PLCG2: variants seen among roughly 807,000 people sequenced by gnomAD.
The protein encoded by PLCG2 is 1-phosphatidylinositol 4,5-bisphosphate phosphodiesterase gamma-2.
Under a neutral mutation model 175.6 loss-of-function variants are expected in PLCG2, and 69 were observed. The ratio of observed to expected loss-of-function variants is 0.39; its 90% CI spans 0.32 to 0.48. The LOEUF (loss-of-function observed/expected upper bound fraction) is 0.48, where lower values mean the gene tolerates loss of function less well. PLCG2 is among the 20% of genes least tolerant of loss of function. The pLI is 0.91. For missense variants in PLCG2, 1,798 were observed against 1,650.9 expected (o/e 1.09, Z -1.54); for synonymous variants, 827 against 624.0 (o/e 1.33, Z -4.85).
intron 2 of PLCG2, among the ~76,000 whole-genome samples, chr16:81,773,666 T>G (rs774416868): frequency 2.5e-4 from 38 of 152,202 alleles, no homozygotes; most frequent in Non-Finnish European, 4.3e-4. Context: ...TTCATTGCAA[T>G]GTAGTGACTA....
intron 2 of PLCG2, among the ~76,000 whole-genome samples, chr16:81,802,811 T>C (rs991821677): frequency 4.6e-5 from 7 of 152,194 alleles, no homozygotes; most frequent in Admixed American, 4.6e-4. Flanking sequence ...CCTCAGGTGA[T>C]CCACCCACCT....
intron 2 of PLCG2, among the ~76,000 whole-genome samples, chr16:81,803,211 T>C (rs1006966310): frequency 1.1e-4 from 16 of 148,258 alleles, no homozygotes; most frequent in Non-Finnish European, 1.9e-4. Flanking sequence ...CTCTGCCTCA[T>C]GGGTTCATGC....
intron 2 of PLCG2, among the ~76,000 whole-genome samples, chr16:81,828,751 A>G (rs1174895995): frequency 1.3e-5 from 2 of 152,322 alleles, no homozygotes; most frequent in Admixed American, 6.5e-5. Flanking sequence ...AGCTGCTGTG[A>G]TGATTGAACA....
intron 12 of PLCG2, 150 bp downstream of exon 12, chr16:81,893,944 TGTTTTCTTTTTTCTTTC>T: frequency 1.8e-6 from 1 of 553,712 alleles, no homozygotes; most frequent in East Asian, 3.3e-5. Flanking sequence ...GATGTTTCTT[TGTTTTCTTTTTTCTTTC>T]TTTTTTTTTT....
intron 2 of PLCG2, among the ~76,000 whole-genome samples, chr16:81,826,601 C>G (rs1905059078): frequency 1.3e-5 from 2 of 152,196 alleles, no homozygotes; most frequent in African/African-American, 4.8e-5. Flanking sequence ...GGAAGCTTCT[C>G]TACAATACTC....
In PLCG2 at chr16:81,927,070, CTT is replaced by C. The variant is rs1446104745; in HGVS notation, c.2418-11_2418-10del. On this transcript the variant is annotated splice_polypyrimidine_tract_variant and intron_variant, in intron 22 of 32. Coordinates refer to ENST00000564138, the MANE Select transcript of PLCG2 (RefSeq NM_002661.5). ...TGGTGACAGCGCCCCCATGTCCTCT[CTT>C]CTTATCCAGGTGGAAAGGAGACTAT... The C allele has an allele frequency of 1.3e-6, 2 of 1,595,028 alleles. No individual in the cohort carries two copies. The highest frequency in any genetic ancestry group is 1.3e-5 in the African/African-American group (1 of 74,540).
At chr16:81,941,734 G>C (rs934573776) in intron 30 of PLCG2, among the ~76,000 whole-genome samples, 1 of 148,858 alleles carries the variant, frequency 6.7e-6, no homozygotes, top group Non-Finnish European at 1.5e-5. Context: ...GTCTTGCTCT[G>C]TCGCTCAGGC....
At chr16:81,799,570 G>A (rs1366986950) in intron 2 of PLCG2, among the ~76,000 whole-genome samples, 1 of 151,526 alleles carries the variant, frequency 6.6e-6, no homozygotes, top group Non-Finnish European at 1.5e-5. Flanking sequence ...GATTACAGGT[G>A]CAAGCCACTG....
chr16:81,875,647 A>G (rs1597367678), intron 7 of PLCG2, among the ~76,000 whole-genome samples: 1 of 152,286 alleles, frequency 6.6e-6, no homozygotes, highest in African/African-American at 2.4e-5. Context: ...TCATCTGCCA[A>G]TACTGTAATT....
chr16:81,940,137 G>C, intron 30 of PLCG2, 78 bp downstream of exon 30: 1 of 1,286,414 alleles, frequency 7.8e-7, no homozygotes, highest in Non-Finnish European at 1.1e-6. Flanking sequence ...CAAAAAGAAT[G>C]AAAAATGATT....
chr16:81,764,374 C>T (rs1397303851), intron 2 of PLCG2, among the ~76,000 whole-genome samples: 1 of 152,000 alleles, frequency 6.6e-6, no homozygotes, highest in East Asian at 1.9e-4. Context: ...AAACCTGGAC[C>T]CCATCTCTCC....
chr16:81,881,073 G>C (rs1908056194), intron 8 of PLCG2, 120 bp downstream of exon 8: 2 of 972,256 alleles, frequency 2.1e-6, no homozygotes, highest in South Asian at 2.7e-5. Flanking sequence ...AGGGGCAGGG[G>C]GCCCCTGCTG....
At chr16:81,929,149 G>T (rs1910397565) in intron 24 of PLCG2, among the ~76,000 whole-genome samples, 1 of 152,226 alleles carries the variant, frequency 6.6e-6, no homozygotes, top group South Asian at 2.1e-4. Context: ...TGGCCCCAAG[G>T]CTAGGCTTGT....
intron 20 of PLCG2, among the ~76,000 whole-genome samples, chr16:81,920,557 G>A (rs536236519): frequency 9.2e-5 from 14 of 152,282 alleles, no homozygotes; most frequent in East Asian, 1.9e-4. Flanking sequence ...AATGTGAGCC[G>A]AAACATGGAA....
intron 24 of PLCG2, among the ~76,000 whole-genome samples, chr16:81,930,546 G>A (rs1195643203): frequency 2.6e-5 from 4 of 152,004 alleles, no homozygotes; most frequent in East Asian, 1.9e-4. Context: ...TCAGGAGTTC[G>A]AGACCAGCCC....
chr16:81,739,951 A>G (rs1013437144), intron 1 of PLCG2, among the ~76,000 whole-genome samples: 2 of 151,728 alleles, frequency 1.3e-5, no homozygotes, highest in African/African-American at 4.8e-5. Flanking sequence ...CAGCCTGGCC[A>G]AGATAGTGAA....
intron 26 of PLCG2, chr16:81,935,681 G>A (rs1910677211): frequency 2.0e-6 from 2 of 985,354 alleles, no homozygotes; most frequent in Non-Finnish European, 2.4e-6. Context: ...GAGAGAAGAT[G>A]AGGCCTGTCC....
At chr16:81,939,055 G>C (rs1176876594) in intron 29 of PLCG2, 140 bp downstream of exon 29, 5 of 625,642 alleles carry the variant, frequency 8.0e-6, no homozygotes, top group African/African-American at 7.4e-5. Flanking sequence ...ACATGGTTCA[G>C]CTTGAGGAGG....
chr16:81,757,427 G>A (rs979832576), intron 2 of PLCG2, among the ~76,000 whole-genome samples: 1 of 152,092 alleles, frequency 6.6e-6, no homozygotes, highest in African/African-American at 2.4e-5. Context: ...AGCCGGGCGC[G>A]GTGGCAGGTG....
Sources: gnomAD v4.1 joint callset for allele counts (sites outside exome capture counted in the v4.1 genomes callset) on GRCh38, gnomAD v4.1.1 for gene constraint, MANE v1.5 for transcripts, NCBI Gene and HGNC (gene_info 2026-07-23, HGNC 2026-07-21) for gene names.